Variants in NCEH1 observed in about 807,000 individuals in gnomAD.
The protein encoded by NCEH1 is neutral cholesterol ester hydrolase 1.
A neutral mutation model predicts 25.4 loss-of-function variants in NCEH1; 9 were observed. The observed-to-expected ratio is 0.35, with a 90% confidence interval of 0.21 to 0.62. The LOEUF is 0.62. Among genes scored for constraint, NCEH1 ranks in the 20% least tolerant of loss-of-function variants. The pLI, the probability that NCEH1 is intolerant of heterozygous loss-of-function variation, is 0.72. For missense variants in NCEH1, 412 were observed against 501.1 expected (o/e 0.82, Z 1.70); for synonymous variants, 200 against 199.8 (o/e 1.00, Z -0.01).
At chr3:172,706,029 A>AAC (rs1713964523) in intron 1 of NCEH1, among the ~76,000 whole-genome samples, 1 of 151,466 alleles carries the variant, frequency 6.6e-6, no homozygotes, top group African/African-American at 2.4e-5. Context: ...AAAAAAAAAA[A>AAC]AAACCCATGT....
At chr3:172,709,838 C>G (rs1372247721) in intron 1 of NCEH1, among the ~76,000 whole-genome samples, 1 of 152,058 alleles carries the variant, frequency 6.6e-6, no homozygotes, top group Non-Finnish European at 1.5e-5. Context: ...TAAAAATATT[C>G]TGAGATTAAA....
At chr3:172,707,249 T>C (rs992936843) in intron 1 of NCEH1, among the ~76,000 whole-genome samples, 1 of 152,186 alleles carries the variant, frequency 6.6e-6, no homozygotes, top group Non-Finnish European at 1.5e-5. Flanking sequence ...GTTCCTCTAG[T>C]CTCCTGCTGC....
chr3:172,637,076 C>T (rs571824751), intron 3 of NCEH1, among the ~76,000 whole-genome samples: 3 of 152,088 alleles, frequency 2.0e-5, no homozygotes, highest in Non-Finnish European at 4.4e-5. Context: ...TTCTTATTGG[C>T]TCATATGAAA....
intron 1 of NCEH1, among the ~76,000 whole-genome samples, chr3:172,658,134 A>T (rs1717788835): frequency 6.6e-6 from 1 of 152,192 alleles, no homozygotes; most frequent in Admixed American, 6.5e-5. Flanking sequence ...GATAAAACCC[A>T]TCAAAACCAA....
rs192656997 is a variant in NCEH1, at chr3:172,669,220, C to G, written c.139-21106G>C. ...GAAATGTTTGGAGAAGTCCACTGTT[C>G]GTGTGGGCAGGGCAACACGCCAGCT... On this transcript the variant is annotated intron_variant, in intron 1 of 4. Coordinates refer to ENST00000475381, the MANE Select transcript of NCEH1 (RefSeq NM_020792.6). Among the ~76,000 whole-genome samples the G allele has an allele frequency of 5.6e-3, 857 of 152,276 alleles. 2 individuals are homozygous for G. The highest frequency in any genetic ancestry group is 8.4e-3 in the Non-Finnish European group (568 of 68,016).
At chr3:172,708,096 A>C (rs933832515) in intron 1 of NCEH1, among the ~76,000 whole-genome samples, 1 of 152,136 alleles carries the variant, frequency 6.6e-6, no homozygotes, top group African/African-American at 2.4e-5. Flanking sequence ...ACCCCAAGGA[A>C]AAAAAGCACA....
intron 1 of NCEH1, among the ~76,000 whole-genome samples, chr3:172,669,373 TTA>T (rs1718379032): frequency 6.6e-6 from 1 of 152,184 alleles, no homozygotes; most frequent in Non-Finnish European, 1.5e-5. Flanking sequence ...CTATTTCATG[TTA>T]TGAGAGGAAT....
intron 1 of NCEH1, among the ~76,000 whole-genome samples, chr3:172,664,747 A>G (rs1290692289): frequency 6.6e-6 from 1 of 152,050 alleles, no homozygotes; most frequent in African/African-American, 2.4e-5. Flanking sequence ...ACTTGATCGA[A>G]TCGGCTACTG....
intron 1 of NCEH1, among the ~76,000 whole-genome samples, chr3:172,697,205 G>A (rs548716895): frequency 1.8e-4 from 27 of 152,056 alleles, no homozygotes; most frequent in East Asian, 3.9e-4. Flanking sequence ...CTAGGGTAAC[G>A]GGCGTGAGCC....
Position 172,691,678 on chromosome 3 carries a change from G to A in NCEH1, c.138+19169C>T, listed in dbSNP as rs145832230. On this transcript the variant is annotated intron_variant, in intron 1 of 4. Coordinates refer to ENST00000475381, the MANE Select transcript of NCEH1 (RefSeq NM_020792.6). ...AAAGAACAGGGTGCTGGCCGGGCGC[G>A]GTGGCTCACGCCTGTAATCCCAGCA... Among the ~76,000 whole-genome samples, 14 of 152,410 alleles carry A rather than the reference G, an allele frequency of 9.2e-5. No individual in the cohort carries two copies. The East Asian group carries it at 9.6e-4, about 10-fold the overall frequency.
intron 1 of NCEH1, among the ~76,000 whole-genome samples, chr3:172,674,261 G>A (rs1001617878): frequency 6.6e-6 from 1 of 152,116 alleles, no homozygotes; most frequent in Non-Finnish European, 1.5e-5. Flanking sequence ...CCAACATGGT[G>A]AAACCCTGTC....
At chr3:172,647,002 G>A (rs1025223167) in intron 2 of NCEH1, among the ~76,000 whole-genome samples, 5 of 151,750 alleles carry the variant, frequency 3.3e-5, no homozygotes, top group African/African-American at 1.2e-4. Flanking sequence ...ACATACTCAT[G>A]AACAGCTATT....
Position 172,633,835 on chromosome 3 carries a change from T to C in NCEH1, c.867A>G (p.Thr289=), listed in dbSNP as rs1319569504. ...TTGTGAAGGATGCAGGCAAGAGGGATGTCCAGTTTAGACGGGCCCTGACAG... is the reference window on the plus strand; with the variant it reads ...TTGTGAAGGATGCAGGCAAGAGGGACGTCCAGTTTAGACGGGCCCTGACAG... ...AAAVRARLNW[T]SLLPASFTKN... Residue 289 remains threonine, a synonymous_variant, in exon 5 of 5, where the codon ACA becomes ACG. Transcript: ENST00000475381. The C allele has an allele frequency of 3.1e-6, 5 of 1,614,114 alleles. No individual in the cohort carries two copies. Among genetic ancestry groups the C allele is most frequent in the Non-Finnish European group, 4.2e-6 (5 of 1,180,050 alleles).
intron 1 of NCEH1, among the ~76,000 whole-genome samples, chr3:172,707,721 G>C (rs779413015): frequency 1.3e-5 from 2 of 152,138 alleles, no homozygotes; most frequent in Non-Finnish European, 2.9e-5. Context: ...GAGTAGCCGG[G>C]ACTACAGGAG....
chr3:172,665,063 T>G (rs979578535), intron 1 of NCEH1, among the ~76,000 whole-genome samples: 3 of 152,220 alleles, frequency 2.0e-5, no homozygotes, highest in Non-Finnish European at 4.4e-5. Context: ...AATTTTCAGC[T>G]TTTCTGCTCT....
intron 1 of NCEH1, among the ~76,000 whole-genome samples, chr3:172,703,883 A>C (rs1281260994): frequency 2.6e-5 from 4 of 152,230 alleles, no homozygotes; most frequent in Non-Finnish European, 5.9e-5. Flanking sequence ...CACTGATTAA[A>C]TAATGCCCCT....
intron 1 of NCEH1, among the ~76,000 whole-genome samples, chr3:172,666,020 C>G (rs1162569979): frequency 6.6e-6 from 1 of 152,182 alleles, no homozygotes; most frequent in African/African-American, 2.4e-5. Flanking sequence ...TGAGATGAAC[C>G]CAGTGCCTCA....
chr3:172,698,480 G>A (rs1408641978), intron 1 of NCEH1, among the ~76,000 whole-genome samples: 1 of 152,160 alleles, frequency 6.6e-6, no homozygotes, highest in Non-Finnish European at 1.5e-5. Flanking sequence ...TTAAAAAGTA[G>A]ATTTCAAAGT....
intron 1 of NCEH1, among the ~76,000 whole-genome samples, chr3:172,688,313 A>G (rs1329702325): frequency 1.4e-5 from 2 of 140,398 alleles, no homozygotes; most frequent in African/African-American, 2.8e-5. Context: ...CTAGGCAACA[A>G]GAGCGAAACT....
Sources: allele counts gnomAD v4.1 joint callset (sites outside exome capture counted in the v4.1 genomes callset), GRCh38; gene constraint gnomAD v4.1.1; transcripts MANE v1.5; gene names NCBI Gene and HGNC (gene_info 2026-07-23, HGNC 2026-07-21).